ADAM12: variants seen among roughly 807,000 people sequenced by gnomAD.
ADAM12 encodes ADAM metallopeptidase domain 12, also known as disintegrin and metalloproteinase domain-containing protein 12.
Under a neutral mutation model 106.4 loss-of-function variants are expected in ADAM12, and 70 were observed. That is an observed-to-expected ratio of 0.66 (90% confidence interval 0.54 to 0.80). ADAM12 has a LOEUF of 0.80. Among genes scored for constraint, ADAM12 ranks in the 30% least tolerant of loss-of-function variants. The probability of loss-of-function intolerance (pLI) is 0.00; values close to 1 mark genes in which losing one functional copy is unlikely to be tolerated. For synonymous variants in ADAM12, 420 were observed against 433.5 expected (o/e 0.97, Z 0.39); for missense variants, 1,010 against 1,171.9 (o/e 0.86, Z 2.02).
At chr10:126,188,493 A>G (rs1957439852) in intron 3 of ADAM12, among the ~76,000 whole-genome samples, 2 of 152,186 alleles carry the variant, frequency 1.3e-5, no homozygotes, top group South Asian at 4.1e-4. Context: ...CTTTAAACCT[A>G]TTATGCCTCA....
At chr10:126,173,855 G>A (rs1957166763) in intron 3 of ADAM12, among the ~76,000 whole-genome samples, 2 of 151,968 alleles carry the variant, frequency 1.3e-5, no homozygotes, top group South Asian at 4.2e-4. Flanking sequence ...AGTCAGCATC[G>A]CAGGGGTCTG....
At chr10:126,088,054 C>CAA (rs1955391374) in intron 11 of ADAM12, among the ~76,000 whole-genome samples, 2 of 152,130 alleles carry the variant, frequency 1.3e-5, no homozygotes, top group African/African-American at 2.4e-5. Context: ...AATTATTGGT[C>CAA]GCTTTTTAAA....
intron 2 of ADAM12, among the ~76,000 whole-genome samples, chr10:126,302,593 C>G (rs1236243926): frequency 6.6e-6 from 1 of 152,110 alleles, no homozygotes. Flanking sequence ...GGGAGGACGT[C>G]TGAAGAGCTT....
intron 1 of ADAM12, among the ~76,000 whole-genome samples, chr10:126,339,916 C>CTGATCTCA (rs2133866975): frequency 6.9e-6 from 1 of 144,970 alleles, no homozygotes; most frequent in Non-Finnish European, 1.5e-5. Flanking sequence ...GTGCAGTGGC[C>CTGATCTCA]TGATCTCAGC....
intron 2 of ADAM12, among the ~76,000 whole-genome samples, chr10:126,306,677 G>A (rs1960859559): frequency 6.6e-6 from 1 of 152,024 alleles, no homozygotes; most frequent in Non-Finnish European, 1.5e-5. Flanking sequence ...CTTACATCTT[G>A]ACCTTCCAAG....
chr10:126,293,352 C>T (rs920985910), intron 2 of ADAM12, among the ~76,000 whole-genome samples: 1 of 152,082 alleles, frequency 6.6e-6, no homozygotes, highest in African/African-American at 2.4e-5. Context: ...ACACATGGAG[C>T]CCAAGGGGCA....
intron 9 of ADAM12, among the ~76,000 whole-genome samples, chr10:126,100,654 G>A (rs962182926): frequency 6.6e-6 from 1 of 152,140 alleles, no homozygotes; most frequent in African/African-American, 2.4e-5. Flanking sequence ...GCTGGAGGTT[G>A]CAGTGAGCTG....
At chr10:126,153,343 G>C (rs971672667) in intron 4 of ADAM12, among the ~76,000 whole-genome samples, 4 of 152,252 alleles carry the variant, frequency 2.6e-5, no homozygotes, top group African/African-American at 9.6e-5. Flanking sequence ...CATCCTTGGT[G>C]TTCTGCATTT....
At chr10:126,042,421 T>C (rs1954198809) in intron 18 of ADAM12, among the ~76,000 whole-genome samples, 1 of 151,934 alleles carries the variant, frequency 6.6e-6, no homozygotes, top group Admixed American at 6.6e-5. Flanking sequence ...GTGTAAATCT[T>C]AGCGAGATCA....
At chr10:126,127,357 T>A (rs744329) in intron 5 of ADAM12, among the ~76,000 whole-genome samples, 93,332 of 152,150 alleles carry the variant, frequency 0.61, 28,769 homozygotes, top group East Asian at 0.77. Context: ...CCTTCATATG[T>A]TCTACTGCAC....
intron 3 of ADAM12, among the ~76,000 whole-genome samples, chr10:126,222,094 C>T (rs1158007245): frequency 2.6e-5 from 4 of 152,196 alleles, no homozygotes; most frequent in Admixed American, 6.5e-5. Context: ...ACACGTCACA[C>T]GTGAACATAG....
intron 9 of ADAM12, 36 bp downstream of exon 9, chr10:126,101,036 C>CTTT: frequency 7.6e-7 from 1 of 1,309,458 alleles, no homozygotes; most frequent in South Asian, 1.5e-5. Context: ...GAGAGCACTC[C>CTTT]TTTTTTTTTT....
chr10:126,379,827 T>A (rs1228283093), intron 1 of ADAM12, among the ~76,000 whole-genome samples: 1 of 152,174 alleles, frequency 6.6e-6, no homozygotes, highest in Non-Finnish European at 1.5e-5. Flanking sequence ...AATGTCTCCA[T>A]CCTATCCTGG....
At chr10:126,100,170 G>A (rs1208416860) in intron 9 of ADAM12, among the ~76,000 whole-genome samples, 12 of 152,030 alleles carry the variant, frequency 7.9e-5, no homozygotes, top group Admixed American at 7.2e-4. Flanking sequence ...TGTGTTCAAA[G>A]CCCCCCAAAC....
intron 1 of ADAM12, among the ~76,000 whole-genome samples, chr10:126,356,193 G>A (rs564435755): frequency 2.0e-5 from 3 of 152,208 alleles, no homozygotes; most frequent in Admixed American, 6.5e-5. Flanking sequence ...CTAACCCCAG[G>A]GAACCTCCTG....
intron 21 of ADAM12, among the ~76,000 whole-genome samples, chr10:126,033,979 TA>T (rs1430487884): frequency 6.6e-6 from 1 of 152,142 alleles, no homozygotes; most frequent in African/African-American, 2.4e-5. Flanking sequence ...AGACAGAAAA[TA>T]ATAAGCAAAG....
intron 21 of ADAM12, among the ~76,000 whole-genome samples, chr10:126,029,905 C>G (rs1397885659): frequency 6.6e-6 from 1 of 152,196 alleles, no homozygotes; most frequent in Non-Finnish European, 1.5e-5. Context: ...AATAGAATAG[C>G]TGAAACAGCT....
Position 126,115,261 on chromosome 10 carries a change from A to T in ADAM12, c.603+2777T>A, listed in dbSNP as rs76561852. ...AAAATAATTTGCATTTGCCTTTGGG[A>T]TGTCTTATGTGATTTTCTCCAGTAG... On this transcript the variant is annotated intron_variant, in intron 6 of 22. Transcript: ENST00000448723. Among the ~76,000 whole-genome samples, 580 of 152,298 alleles carry T rather than the reference A, an allele frequency of 3.8e-3. 3 individuals carry two copies. The highest frequency in any genetic ancestry group is 7.6e-3 in the Admixed American group (116 of 15,298).
At chr10:126,222,462 C>T (rs924686997) in intron 3 of ADAM12, among the ~76,000 whole-genome samples, 6 of 151,170 alleles carry the variant, frequency 4.0e-5, no homozygotes, top group South Asian at 4.2e-4. Context: ...GGAGGAAGAG[C>T]CCGGCACAGT....
Sources: allele counts gnomAD v4.1 joint callset (sites outside exome capture counted in the v4.1 genomes callset), GRCh38; gene constraint gnomAD v4.1.1; transcripts MANE v1.5; gene names NCBI Gene and HGNC (gene_info 2026-07-23, HGNC 2026-07-21).